The following CACNA1C variants were observed in gnomAD, a reference collection of about 807,000 sequenced individuals.
The protein encoded by CACNA1C is voltage-dependent L-type calcium channel subunit alpha-1C.
CACNA1C carries 30 observed loss-of-function variants against 229.0 expected under a neutral mutation model. That is an observed-to-expected ratio of 0.13 (90% CI 0.10 to 0.18). The LOEUF is 0.18. Ranked by LOEUF, CACNA1C falls within the 10% of genes least tolerant of loss-of-function variation. CACNA1C has a pLI of 1.00. For synonymous variants in CACNA1C, 1,114 were observed against 1,132.5 expected, an observed-to-expected ratio of 0.98 and a Z score of 0.33; for missense variants, 1,658 against 2,845.0, an observed-to-expected ratio of 0.58 and a Z score of 9.49.
intron 7 of CACNA1C, among the ~76,000 whole-genome samples, chr12:2,500,201 C>T (rs2099756110): frequency 6.6e-6 from 1 of 152,182 alleles, no homozygotes; most frequent in Admixed American, 6.5e-5. Flanking sequence ...CCAGGGGGGA[C>T]CAAAGCAGCA....
Position 2,679,470 on chromosome 12 carries a change from C to A in CACNA1C, c.5118C>A (p.His1706Gln), listed in dbSNP as rs372547992. 6.3e-7 allele frequency: 1 copy of A among 1,589,828 alleles called. No individual in the cohort carries two copies. The highest frequency in any genetic ancestry group is 1.1e-5 in the South Asian group (1 of 87,100). ...GGGCCGGTGGCCTGTTCGGCAACCACGTCAGCTACTACCAAAGCGACGGCC... is the reference window on the plus strand; with the variant it reads ...GGGCCGGTGGCCTGTTCGGCAACCAAGTCAGCTACTACCAAAGCGACGGCC... ...FRRAGGLFGN[H>Q]VSYYQSDGRS... The change falls in exon 42 of 47, where the codon CAC becomes CAA. Residue 1706 changes from histidine to glutamine, a missense_variant. Transcript: ENST00000399655. This position sits in a 1 kb window ranked among gnomAD's most constrained non-coding sequence, Gnocchi z 5.5.
intron 3 of CACNA1C, among the ~76,000 whole-genome samples, chr12:2,165,293 C>T (rs1221222599): frequency 6.6e-6 from 1 of 152,220 alleles, no homozygotes; most frequent in African/African-American, 2.4e-5. Flanking sequence ...TTTAACAAGA[C>T]ACTTCATTCT....
At chr12:1,977,701 CAATT>C (rs2034858564) in intron 1 of CACNA1C, among the ~76,000 whole-genome samples, 2 of 151,948 alleles carry the variant, frequency 1.3e-5, no homozygotes, top group Admixed American at 6.6e-5. Flanking sequence ...AATTAGCAAC[CAATT>C]AATTAATGGT....
chr12:2,112,908 A>G (rs2082318690), intron 1 of CACNA1C, among the ~76,000 whole-genome samples: 1 of 152,236 alleles, frequency 6.6e-6, no homozygotes, highest in Non-Finnish European at 1.5e-5. Context: ...ACTGGAGTCC[A>G]GCAGAAATGA....
At chr12:2,339,176 G>A (rs1215768794) in intron 3 of CACNA1C, among the ~76,000 whole-genome samples, 1 of 152,244 alleles carries the variant, frequency 6.6e-6, no homozygotes. Context: ...GTAGCCCATC[G>A]TTCCTTGGAT....
At chr12:2,179,455 G>T (rs1184807756) in intron 3 of CACNA1C, among the ~76,000 whole-genome samples, 2 of 152,220 alleles carry the variant, frequency 1.3e-5, no homozygotes, top group African/African-American at 4.8e-5. Context: ...AGACTCTAAG[G>T]TTGGAAGGAC....
rs115916074 is a variant in CACNA1C at position 2,039,611 on chromosome 12, A to G, written c.139+68410A>G. 4.9e-3 allele frequency among the ~76,000 whole-genome samples: 745 copies of G among 152,308 alleles called. 8 individuals carry two copies. The highest frequency in any genetic ancestry group is 0.017 in the African/African-American group (719 of 41,554). ...TAGTTGGGAATACAGGAGGTAAACA[A>G]ATAACTACAGCAATATAACTAGTGC... is the stretch of plus-strand genomic sequence containing the variant. On this transcript the variant is annotated intron_variant, in intron 1 of 46. Transcript: ENST00000682462.
intron 3 of CACNA1C, among the ~76,000 whole-genome samples, chr12:2,365,127 G>C (rs1158385858): frequency 6.6e-6 from 1 of 152,206 alleles, no homozygotes; most frequent in African/African-American, 2.4e-5. Context: ...CTTTCTTAAA[G>C]CTTCTGACAG....
chr12:2,211,868 A>C (rs374346339), intron 3 of CACNA1C, among the ~76,000 whole-genome samples: 115 of 151,534 alleles, frequency 7.6e-4, no homozygotes, highest in African/African-American at 2.7e-3. Flanking sequence ...CCAGGCGCCC[A>C]CCACCACTCC....
At chr12:2,026,010 T>C (rs2047265713) in intron 1 of CACNA1C, among the ~76,000 whole-genome samples, 1 of 152,196 alleles carries the variant, frequency 6.6e-6, no homozygotes, top group African/African-American at 2.4e-5. Context: ...TGCAAAAGCC[T>C]TTGAAAGACC....
intron 3 of CACNA1C, among the ~76,000 whole-genome samples, chr12:2,162,878 T>TA (rs1274411881): frequency 6.6e-6 from 1 of 152,148 alleles, no homozygotes; most frequent in African/African-American, 2.4e-5. Context: ...ACAAAGCCAT[T>TA]GCCTTCTTGA....
At chr12:2,153,272 A>T (rs2095383804) in intron 3 of CACNA1C, among the ~76,000 whole-genome samples, 1 of 152,100 alleles carries the variant, frequency 6.6e-6, no homozygotes, top group African/African-American at 2.4e-5. Flanking sequence ...CCACTTACAG[A>T]ACTCTTTCTC....
Position 2,695,276 on chromosome 12 carries a change from G to C in CACNA1C, c.*4077G>C, listed in dbSNP as rs1194737949. 1 of 152,272 alleles carries C rather than the reference G, an allele frequency of 6.6e-6. No individual in the cohort carries two copies. The highest frequency in any genetic ancestry group is 1.5e-5 in the Non-Finnish European group (1 of 68,076). 9.4% of individuals were successfully genotyped at this position (152,272 alleles called of 1,614,324 possible). A position where few individuals can be genotyped will look rare whatever the true frequency, so the allele number is the denominator to read the frequency against. On this transcript the variant is annotated 3_prime_UTR_variant, in exon 47 of 47. Transcript: ENST00000399655. The stretch of plus-strand genomic sequence containing the variant: ...TCAGCTTACCCACCCACAGTGACCA[G>C]TGTGGTGGAGCCGCTGACATCTCAA...
intron 2 of CACNA1C, among the ~76,000 whole-genome samples, chr12:2,116,070 G>A (rs2083717262): frequency 6.6e-6 from 1 of 152,200 alleles, no homozygotes. Flanking sequence ...GGGCCCTGAA[G>A]CAGTGGTTCT....
intron 3 of CACNA1C, among the ~76,000 whole-genome samples, chr12:2,160,296 A>G (rs1597670874): frequency 6.6e-6 from 1 of 152,240 alleles, no homozygotes; most frequent in Non-Finnish European, 1.5e-5. Flanking sequence ...TGCTTAGCAC[A>G]TGGCCTGACA....
chr12:2,271,441 G>C (rs564324902), intron 3 of CACNA1C, among the ~76,000 whole-genome samples: 1 of 152,194 alleles, frequency 6.6e-6, no homozygotes, highest in Non-Finnish European at 1.5e-5. Flanking sequence ...AAGGCTGTTC[G>C]CTCTTTCCAT....
At chr12:1,997,258 G>C (rs2041154674) in intron 1 of CACNA1C, among the ~76,000 whole-genome samples, 2 of 152,352 alleles carry the variant, frequency 1.3e-5, no homozygotes, top group African/African-American at 4.8e-5. Flanking sequence ...GCCAGGTGCG[G>C]TGGCTCACGC....
At chr12:2,395,274 A>C (rs2098550754) in intron 3 of CACNA1C, among the ~76,000 whole-genome samples, 1 of 149,464 alleles carries the variant, frequency 6.7e-6, no homozygotes. Flanking sequence ...GCTGAAGTGC[A>C]ATGACATGAT....
intron 3 of CACNA1C, among the ~76,000 whole-genome samples, chr12:2,310,199 G>A (rs955256696): frequency 4.6e-5 from 7 of 151,944 alleles, no homozygotes; most frequent in Non-Finnish European, 1.0e-4. Context: ...GGAAACTGAG[G>A]TGCTCGGAGA....
Sources: gnomAD v4.1 joint callset for allele counts (sites outside exome capture counted in the v4.1 genomes callset) on GRCh38, gnomAD v4.1.1 for gene constraint, Gnocchi (gnomAD v3.1) non-coding constraint, MANE v1.5 for transcripts, NCBI Gene and HGNC (gene_info 2026-07-23, HGNC 2026-07-21) for gene names.